LRMDA: variants seen among roughly 807,000 people sequenced by gnomAD.
LRMDA encodes leucine rich melanocyte differentiation associated, also known as leucine-rich melanocyte differentiation-associated protein.
Under a neutral mutation model 29.8 loss-of-function variants are expected in LRMDA, and 18 were observed. The ratio of observed to expected loss-of-function variants is 0.60; its 90% confidence interval spans 0.42 to 0.90. The LOEUF is 0.90. Among genes scored for constraint, LRMDA ranks in the 40% least tolerant of loss-of-function variants. The pLI, the probability that LRMDA is intolerant of heterozygous loss-of-function variation, is 0.00. For synonymous variants in LRMDA, 125 were observed against 109.4 expected, an observed-to-expected ratio of 1.14 and a Z score of -0.89; for missense variants, 273 against 273.9, an observed-to-expected ratio of 1.00 and a Z score of 0.02.
chr10:75,868,523 T>C (rs1375199216), intron 2 of LRMDA, among the ~76,000 whole-genome samples: 1 of 152,232 alleles, frequency 6.6e-6, no homozygotes, highest in African/African-American at 2.4e-5. Context: ...TGCAGACTCT[T>C]ATTAACTCTG....
rs140263757 is a variant in LRMDA at position 75,901,854 on chromosome 10, C to T, written c.132-134154C>T. ...AATATTGACAACCTGTTTTAGATCTCGAGGTTTTTCACGTGGTCTTTTTCT... is the reference window on the plus strand; with the variant it reads ...AATATTGACAACCTGTTTTAGATCTTGAGGTTTTTCACGTGGTCTTTTTCT... On this transcript the variant is annotated intron_variant, in intron 2 of 6. Transcript: ENST00000611255. Among the ~76,000 whole-genome samples the T allele has an allele frequency of 3.3e-4, 50 of 152,168 alleles. No individual in the cohort carries two copies. The East Asian group carries it at 6.6e-3, about 20-fold the overall frequency.
intron 2 of LRMDA, among the ~76,000 whole-genome samples, chr10:75,648,414 GT>G (rs887099518): frequency 6.6e-6 from 1 of 152,094 alleles, no homozygotes; most frequent in African/African-American, 2.4e-5. Flanking sequence ...CGGGAAAAGT[GT>G]TTTTTTCCTG....
chr10:76,029,337 A>G (rs1848112366), intron 2 of LRMDA, among the ~76,000 whole-genome samples: 1 of 152,224 alleles, frequency 6.6e-6, no homozygotes, highest in Non-Finnish European at 1.5e-5. Flanking sequence ...TAAATGAAAT[A>G]CCAAGGCTAT....
chr10:75,795,688 T>C lies in LRMDA; in HGVS notation c.132-240320T>C, dbSNP rs527559400. Among the ~76,000 whole-genome samples, 4 of 152,340 alleles carry C rather than the reference T, an allele frequency of 2.6e-5. No individual in the cohort carries two copies. In the East Asian group the frequency reaches 7.7e-4, roughly 29 times the overall value. ...GAGTATGAGTCCTCCAAATTTGTATTTCTTTTGAAGCATCTTTCACCTGTT... is the reference window on the plus strand; with the variant it reads ...GAGTATGAGTCCTCCAAATTTGTATCTCTTTTGAAGCATCTTTCACCTGTT... On this transcript the variant is annotated intron_variant, in intron 2 of 6. Coordinates refer to ENST00000611255, the MANE Select transcript of LRMDA (RefSeq NM_001305581.2).
At chr10:76,255,302 AG>A (rs1852572586) in intron 5 of LRMDA, among the ~76,000 whole-genome samples, 1 of 152,222 alleles carries the variant, frequency 6.6e-6, no homozygotes, top group Non-Finnish European at 1.5e-5. Flanking sequence ...ATACTACCAA[AG>A]AAGGCAATCT....
chr10:75,446,833 G>A (rs1272833564), intron 2 of LRMDA, among the ~76,000 whole-genome samples: 2 of 152,202 alleles, frequency 1.3e-5, no homozygotes, highest in Non-Finnish European at 2.9e-5. Flanking sequence ...GTTCCAGTGG[G>A]ATTGGGGAGA....
intron 2 of LRMDA, among the ~76,000 whole-genome samples, chr10:75,760,418 G>A (rs1313936936): frequency 6.6e-6 from 1 of 152,202 alleles, no homozygotes; most frequent in Non-Finnish European, 1.5e-5. Flanking sequence ...GGAAAGGGCA[G>A]CTGGGGAAGA....
intron 3 of LRMDA, among the ~76,000 whole-genome samples, 162 bp from the exon 4 acceptor site, chr10:76,047,002 G>A (rs1041737207): frequency 6.6e-6 from 1 of 152,210 alleles, no homozygotes; most frequent in African/African-American, 2.4e-5. Flanking sequence ...AACAGTGGGA[G>A]TGAAAAAGTA....
intron 5 of LRMDA, among the ~76,000 whole-genome samples, chr10:76,197,482 T>C (rs916845016): frequency 6.6e-6 from 1 of 152,212 alleles, no homozygotes; most frequent in African/African-American, 2.4e-5. Context: ...TGGAGACAGT[T>C]GGCAATGTTT....
intron 5 of LRMDA, among the ~76,000 whole-genome samples, chr10:76,197,520 C>T (rs1162311059): frequency 4.6e-5 from 7 of 152,096 alleles, no homozygotes; most frequent in Admixed American, 3.3e-4. Context: ...TCAGTACTGG[C>T]GGTTGGTTGT....
At chr10:75,585,133 G>A (rs2132079705) in intron 2 of LRMDA, among the ~76,000 whole-genome samples, 1 of 152,274 alleles carries the variant, frequency 6.6e-6, no homozygotes, top group Middle Eastern at 3.4e-3. Flanking sequence ...TCCTCTTGCT[G>A]GTCCCAGTCA....
chr10:76,365,107 T>TATATATATATATATATATACACACACAC (rs141131236), intron 6 of LRMDA, among the ~76,000 whole-genome samples: 1 of 61,202 alleles, frequency 1.6e-5, no homozygotes, highest in Non-Finnish European at 4.3e-5. Context: ...TATATATATA[T>TATATATATATATATATATACACACACAC]ACACACACAC....
At chr10:75,516,137 C>T (rs899599861) in intron 2 of LRMDA, among the ~76,000 whole-genome samples, 4 of 152,190 alleles carry the variant, frequency 2.6e-5, no homozygotes, top group African/African-American at 9.7e-5. Context: ...CAAGTCTTTG[C>T]TATTGTGAAT....
intron 6 of LRMDA, among the ~76,000 whole-genome samples, chr10:76,363,211 A>AGGGAGGGG (rs1564520715): frequency 9.9e-5 from 1 of 10,080 alleles, no homozygotes; most frequent in African/African-American, 5.9e-4. Context: ...GGAGGGAGGG[A>AGGGAGGGG]AGGAAGAGAA....
chr10:76,406,741 T>G (rs1356113918), intron 6 of LRMDA, among the ~76,000 whole-genome samples: 1 of 152,118 alleles, frequency 6.6e-6, no homozygotes, highest in Non-Finnish European at 1.5e-5. Flanking sequence ...AAAGGAGGCA[T>G]ACATGGTGAA....
At chr10:75,867,261 C>T (rs1335183856) in intron 2 of LRMDA, among the ~76,000 whole-genome samples, 2 of 152,150 alleles carry the variant, frequency 1.3e-5, no homozygotes, top group Non-Finnish European at 2.9e-5. Context: ...CTCCTAGGTT[C>T]AAGCGATTCT....
In LRMDA at chr10:75,976,319, C is replaced by A. The variant is rs1260696183; in HGVS notation, c.132-59689C>A. Among the ~76,000 whole-genome samples, 13 of 152,254 alleles carry A rather than the reference C, an allele frequency of 8.5e-5. 1 individual carries two copies. On this transcript the variant is annotated intron_variant, in intron 2 of 6. Transcript: ENST00000611255. ...ATACAACATTCTTGGTTAAGTTGGT[C>A]CCTTCTTATCTTTTAGGTCTCAACT...
chr10:75,432,812 C>CT (rs1844217528), intron 1 of LRMDA, among the ~76,000 whole-genome samples: 1 of 152,202 alleles, frequency 6.6e-6, no homozygotes, highest in Admixed American at 6.5e-5. Flanking sequence ...TGCCTGTTTT[C>CT]TTTTTTTCCA....
intron 1 of LRMDA, among the ~76,000 whole-genome samples, 179 bp downstream of exon 1, chr10:75,431,933 C>T (rs1375952873): frequency 2.0e-5 from 3 of 152,142 alleles, no homozygotes; most frequent in Non-Finnish European, 4.4e-5. Context: ...GACCTCGTTT[C>T]GGGCCTGGCA....
Sources: allele counts gnomAD v4.1 joint callset (sites outside exome capture counted in the v4.1 genomes callset), GRCh38; gene constraint gnomAD v4.1.1; transcripts MANE v1.5; gene names NCBI Gene and HGNC (gene_info 2026-07-23, HGNC 2026-07-21).